SDC2: variants seen among roughly 807,000 people sequenced by gnomAD.
SDC2 encodes the protein syndecan 2.
In SDC2, 13 loss-of-function variants were observed where a neutral mutation model predicts 22.2. That is an observed-to-expected ratio of 0.59 (90% confidence interval 0.38 to 0.93). The LOEUF (loss-of-function observed/expected upper bound fraction) is 0.93, where lower values mean the gene tolerates loss of function less well. SDC2 is among the 40% of genes least tolerant of loss of function. The pLI is 0.00. For synonymous variants in SDC2, 94 were observed against 92.8 expected, an observed-to-expected ratio of 1.01 and a Z score of -0.07; for missense variants, 235 against 246.8, an observed-to-expected ratio of 0.95 and a Z score of 0.32.
chr8:96,502,351 A>C (rs956348020), intron 1 of SDC2, among the ~76,000 whole-genome samples: 1 of 152,222 alleles, frequency 6.6e-6, no homozygotes, highest in African/African-American at 2.4e-5. Flanking sequence ...TTACAGTTCA[A>C]GGTGAGATTT....
intron 1 of SDC2, among the ~76,000 whole-genome samples, chr8:96,534,829 C>T (rs1418356545): frequency 1.3e-5 from 2 of 152,084 alleles, no homozygotes; most frequent in African/African-American, 4.8e-5. Context: ...GTTATTTCAG[C>T]TCCTTCAGTT....
intron 1 of SDC2, among the ~76,000 whole-genome samples, chr8:96,496,359 C>T (rs1315897603): frequency 1.3e-5 from 2 of 152,184 alleles, no homozygotes; most frequent in African/African-American, 4.8e-5. Context: ...TGAACTGCTT[C>T]ATTGTGATAG....
chr8:96,598,549 C>T (rs746445073), intron 2 of SDC2, among the ~76,000 whole-genome samples: 9 of 151,970 alleles, frequency 5.9e-5, no homozygotes, highest in East Asian at 1.9e-4. Context: ...ACTCGGGAGG[C>T]GGAGGTTGCA....
chr8:96,524,363 A>G (rs1813545696), intron 1 of SDC2, among the ~76,000 whole-genome samples: 1 of 152,228 alleles, frequency 6.6e-6, no homozygotes, highest in South Asian at 2.1e-4. Flanking sequence ...CTGTCTGTGC[A>G]GCTCCGATCA....
intron 1 of SDC2, among the ~76,000 whole-genome samples, chr8:96,583,385 A>G (rs1422563369): frequency 9.8e-6 from 1 of 102,374 alleles, no homozygotes; most frequent in Non-Finnish European, 2.1e-5. Flanking sequence ...TAAAATATAT[A>G]TGACATATGT....
chr8:96,571,313 C>T (rs533580743), intron 1 of SDC2, among the ~76,000 whole-genome samples: 5 of 152,140 alleles, frequency 3.3e-5, no homozygotes, highest in East Asian at 1.9e-4. Flanking sequence ...AGAGGCAGAG[C>T]GGCTGCAAAG....
At chr8:96,581,371 G>T (rs907736479) in intron 1 of SDC2, among the ~76,000 whole-genome samples, 16 of 152,202 alleles carry the variant, frequency 1.1e-4, no homozygotes, top group Non-Finnish European at 2.1e-4. Flanking sequence ...GCTCACGCCT[G>T]TAATCCCAGC....
chr8:96,507,163 A>G (rs2130433154), intron 1 of SDC2, among the ~76,000 whole-genome samples: 1 of 152,368 alleles, frequency 6.6e-6, no homozygotes, highest in Non-Finnish European at 1.5e-5. Context: ...AAACACATCC[A>G]GAGAGGTTAA....
Position 96,566,246 on chromosome 8 carries a change from A to G in SDC2, c.61-27234A>G, listed in dbSNP as rs895601176. On this transcript the variant is annotated intron_variant, in intron 1 of 4. Transcript: ENST00000302190. ...AGGCAGAATTTTAATTTAAAAATGC[A>G]TATTATGTAAGAATATTGTAGTTGA... 3.9e-5 allele frequency among the ~76,000 whole-genome samples: 6 copies of G among 152,384 alleles called. No individual in the cohort carries two copies. In the South Asian group the frequency reaches 8.3e-4, roughly 21 times the overall value.
At chr8:96,590,047 C>T (rs1000552194) in intron 1 of SDC2, among the ~76,000 whole-genome samples, 4 of 152,216 alleles carry the variant, frequency 2.6e-5, no homozygotes, top group Non-Finnish European at 4.4e-5. Context: ...CTTCAGTTTC[C>T]CTGGCTGAAT....
At chr8:96,586,621 A>C (rs1814692015) in intron 1 of SDC2, 1 of 152,228 alleles carries the variant, frequency 6.6e-6, no homozygotes, top group Non-Finnish European at 1.5e-5. Flanking sequence ...GGGTCATTTC[A>C]GAAGCTTCAT....
chr8:96,584,756 G>A (rs1284852721), intron 1 of SDC2, among the ~76,000 whole-genome samples: 4 of 152,210 alleles, frequency 2.6e-5, no homozygotes, highest in Non-Finnish European at 5.9e-5. Flanking sequence ...TAACATGGCT[G>A]CAAACCTCTC....
chr8:96,524,284 C>T (rs892513339), intron 1 of SDC2, among the ~76,000 whole-genome samples: 4 of 152,138 alleles, frequency 2.6e-5, no homozygotes, highest in African/African-American at 7.2e-5. Context: ...AACTTCTTAA[C>T]GTGCACATAC....
chr8:96,548,081 C>T (rs1178980507), intron 1 of SDC2, among the ~76,000 whole-genome samples: 2 of 152,298 alleles, frequency 1.3e-5, no homozygotes, highest in African/African-American at 4.8e-5. Flanking sequence ...ATTTTCTTAA[C>T]CCCTTGATGG....
At chr8:96,542,110 T>C (rs1813859999) in intron 1 of SDC2, among the ~76,000 whole-genome samples, 1 of 152,150 alleles carries the variant, frequency 6.6e-6, no homozygotes, top group South Asian at 2.1e-4. Flanking sequence ...TAATTTTCAC[T>C]TCTCCCCAGC....
chr8:96,550,937 G>A (rs1466604174), intron 1 of SDC2, among the ~76,000 whole-genome samples: 2 of 152,038 alleles, frequency 1.3e-5, no homozygotes, highest in African/African-American at 4.8e-5. Flanking sequence ...GTTCCTTCCT[G>A]TAGTCTTTGT....
chr8:96,553,021 TG>T (rs1659032556), intron 1 of SDC2, among the ~76,000 whole-genome samples: 1 of 152,184 alleles, frequency 6.6e-6, no homozygotes, highest in Non-Finnish European at 1.5e-5. Context: ...ATTTTAGATG[TG>T]GGGTTGTATG....
chr8:96,597,700 G>A (rs889672767), intron 2 of SDC2, among the ~76,000 whole-genome samples: 2 of 152,210 alleles, frequency 1.3e-5, no homozygotes, highest in Non-Finnish European at 2.9e-5. Flanking sequence ...GAGTTCTTAA[G>A]AGTGTGGGAC....
intron 1 of SDC2, among the ~76,000 whole-genome samples, chr8:96,536,208 A>G (rs1184535462): frequency 6.6e-6 from 1 of 151,894 alleles, no homozygotes; most frequent in Non-Finnish European, 1.5e-5. Flanking sequence ...GGTCTGCCAC[A>G]GCTATGGATA....
Sources: gnomAD v4.1 joint callset for allele counts (sites outside exome capture counted in the v4.1 genomes callset) on GRCh38, gnomAD v4.1.1 for gene constraint, MANE v1.5 for transcripts, NCBI Gene and HGNC (gene_info 2026-07-23, HGNC 2026-07-21) for gene names.